The following PLCH1 variants were observed in gnomAD, a reference collection of about 807,000 sequenced individuals.
The protein encoded by PLCH1 is 1-phosphatidylinositol 4,5-bisphosphate phosphodiesterase eta-1.
PLCH1 carries 60 observed loss-of-function variants against 126.7 expected under a neutral mutation model. The ratio of observed to expected loss-of-function variants is 0.47; its 90% confidence interval spans 0.38 to 0.59. The LOEUF is 0.59. Ranked by LOEUF, PLCH1 falls within the 20% of genes least tolerant of loss-of-function variation. The pLI is 0.00. For synonymous variants in PLCH1, 719 were observed against 734.9 expected (o/e 0.98, Z 0.35); for missense variants, 1,723 against 2,040.0 (o/e 0.84, Z 2.99).
intron 1 of PLCH1, among the ~76,000 whole-genome samples, chr3:155,706,533 T>C (rs992554507): frequency 2.7e-5 from 4 of 150,742 alleles, no homozygotes; most frequent in Non-Finnish European, 4.4e-5. Context: ...GGCAGGAGAA[T>C]CACTTGAACC....
chr3:155,623,681 C>T (rs1056127753), intron 2 of PLCH1, among the ~76,000 whole-genome samples: 12 of 152,164 alleles, frequency 7.9e-5, no homozygotes, highest in African/African-American at 2.9e-4. Context: ...TTCCAGGACA[C>T]ATACACCCTC....
At chr3:155,557,395 T>A (rs1255248343) in intron 8 of PLCH1, among the ~76,000 whole-genome samples, 1 of 152,226 alleles carries the variant, frequency 6.6e-6, no homozygotes, top group African/African-American at 2.4e-5. Context: ...TTGCCCGACT[T>A]GCTTATGGTG....
chr3:155,614,589 T>G (rs913663405), intron 2 of PLCH1, among the ~76,000 whole-genome samples: 1 of 152,122 alleles, frequency 6.6e-6, no homozygotes. Context: ...AATAGGCACA[T>G]AGACCAATGG....
At chr3:155,657,055 TA>T (rs1167390418) in intron 2 of PLCH1, among the ~76,000 whole-genome samples, 6,994 of 127,452 alleles carry the variant, frequency 0.055, 374 homozygotes, top group African/African-American at 0.15. Context: ...AGGACAAGTT[TA>T]AAAAAAAAAA....
At chr3:155,605,026 C>T (rs1025566118) in intron 2 of PLCH1, among the ~76,000 whole-genome samples, 1 of 152,194 alleles carries the variant, frequency 6.6e-6, no homozygotes, top group African/African-American at 2.4e-5. Context: ...CTAGGTCTCC[C>T]GCCATTCAAG....
chr3:155,679,506 A>G (rs1744344809), intron 2 of PLCH1, among the ~76,000 whole-genome samples: 1 of 152,200 alleles, frequency 6.6e-6, no homozygotes, highest in Admixed American at 6.5e-5. Flanking sequence ...GGCCACTCCA[A>G]TCACTGGCTT....
intron 2 of PLCH1, among the ~76,000 whole-genome samples, chr3:155,617,345 C>T (rs1361108027): frequency 1.3e-5 from 2 of 152,074 alleles, no homozygotes; most frequent in Non-Finnish European, 2.9e-5. Context: ...CCAAGATTCT[C>T]TTGGAGAGCT....
intron 3 of PLCH1, 47 bp from the exon 4 acceptor site, chr3:155,594,231 C>T: frequency 6.4e-7 from 1 of 1,554,406 alleles, no homozygotes; most frequent in South Asian, 1.2e-5. Flanking sequence ...GGCAAAGATA[C>T]TTCTTTACAT....
intron 3 of PLCH1, 117 bp downstream of exon 3, chr3:155,596,115 A>G (rs1732949299): frequency 1.3e-6 from 1 of 748,934 alleles, no homozygotes; most frequent in Admixed American, 2.5e-5. Context: ...AAAATCAACT[A>G]TCTCCAAACT....
At chr3:155,635,748 T>G (rs1738643214) in intron 2 of PLCH1, among the ~76,000 whole-genome samples, 1 of 152,264 alleles carries the variant, frequency 6.6e-6, no homozygotes, top group African/African-American at 2.4e-5. Context: ...AATTGATTCT[T>G]AAACATCTAA....
At chr3:155,523,699 C>CA (rs1265205289) in intron 11 of PLCH1, among the ~76,000 whole-genome samples, 198 bp downstream of exon 11, 1 of 152,200 alleles carries the variant, frequency 6.6e-6, no homozygotes, top group African/African-American at 2.4e-5. Context: ...TTCCAACACT[C>CA]AGACACAAGA....
At chr3:155,512,959 C>T (rs1425247428) in intron 12 of PLCH1, among the ~76,000 whole-genome samples, 1 of 152,198 alleles carries the variant, frequency 6.6e-6, no homozygotes, top group Non-Finnish European at 1.5e-5. Context: ...GATTCCAGAA[C>T]TCTTAAGAAC....
intron 10 of PLCH1, among the ~76,000 whole-genome samples, chr3:155,526,486 T>TCACACACACA (rs1161518737): frequency 1.2e-4 from 10 of 86,896 alleles, no homozygotes; most frequent in African/African-American, 4.3e-4. Flanking sequence ...TCTCTCTCTC[T>TCACACACACA]CATACACACA....
At chr3:155,456,031 G>C (rs1163326683) in intron 21 of PLCH1, among the ~76,000 whole-genome samples, 1 of 152,218 alleles carries the variant, frequency 6.6e-6, no homozygotes, top group Non-Finnish European at 1.5e-5. Flanking sequence ...ATGTGGGCCA[G>C]TGTTGTCTGC....
chr3:155,455,338 A>G (rs2107967876), intron 21 of PLCH1, among the ~76,000 whole-genome samples: 1 of 152,294 alleles, frequency 6.6e-6, no homozygotes, highest in Non-Finnish European at 1.5e-5. Flanking sequence ...CTTGTCCCCA[A>G]GATGGTCCCT....
Position 155,471,396 on chromosome 3 carries a change from G to A in PLCH1, c.2938+13960C>T, listed in dbSNP as rs1355218594. The stretch of plus-strand genomic sequence containing the variant: ...AGCTAACTATCCTAAATATATATGC[G>A]CCCAATACAGGAGCACCCAGATTCA... On this transcript the variant is annotated intron_variant, in intron 21 of 21. Coordinates refer to the PLCH1 transcript ENST00000494598. Among the ~76,000 whole-genome samples, 336 of 150,878 alleles carry A rather than the reference G, an allele frequency of 2.2e-3. 1 individual carries two copies. The highest frequency in any genetic ancestry group is 0.01 in the Middle Eastern group (3 of 292).
chr3:155,471,967 A>C (rs1174602189), intron 21 of PLCH1, among the ~76,000 whole-genome samples: 1 of 152,188 alleles, frequency 6.6e-6, no homozygotes, highest in Admixed American at 6.5e-5. Context: ...TGCCCACAAG[A>C]GAAAGCAGGA....
At position 155,585,860 on chromosome 3, in the gene PLCH1, T is replaced by C. The variant is rs78389512; in HGVS notation, c.600+205A>G. 1.4e-3 allele frequency among the ~76,000 whole-genome samples: 207 copies of C among 152,270 alleles called. 2 individuals are homozygous for C. In the East Asian group the frequency reaches 0.022, roughly 16 times the overall value. On this transcript the variant is annotated intron_variant, in intron 5 of 22. Transcript: ENST00000460012. ...AAACAGCAACGATAACAAAAAAGCG[T>C]TTTAGGAAGTGAAATTTTGGACGAA...
intron 10 of PLCH1, among the ~76,000 whole-genome samples, chr3:155,538,041 C>T (rs1369133008): frequency 6.6e-6 from 1 of 152,018 alleles, no homozygotes; most frequent in Non-Finnish European, 1.5e-5. Context: ...ATAATTATAG[C>T]AAGTACTCTC....
Sources: allele counts gnomAD v4.1 joint callset (sites outside exome capture counted in the v4.1 genomes callset), GRCh38; gene constraint gnomAD v4.1.1; transcripts MANE v1.5; gene names NCBI Gene and HGNC (gene_info 2026-07-23, HGNC 2026-07-21).